PHLDB2: variants seen among roughly 807,000 people sequenced by gnomAD.
PHLDB2 encodes the protein pleckstrin homology like domain family B member 2.
PHLDB2 carries 71 observed loss-of-function variants against 123.6 expected under a neutral mutation model. The ratio of observed to expected loss-of-function variants is 0.57; its 90% confidence interval spans 0.47 to 0.70. The LOEUF is 0.70. Among genes scored for constraint, PHLDB2 ranks in the 30% least tolerant of loss-of-function variants. The probability of loss-of-function intolerance (pLI) is 0.00; values close to 1 mark genes in which losing one functional copy is unlikely to be tolerated. For synonymous variants in PHLDB2, 547 were observed against 541.6 expected (o/e 1.01, Z -0.14); for missense variants, 1,446 against 1,519.5 (o/e 0.95, Z 0.80).
intron 1 of PHLDB2, among the ~76,000 whole-genome samples, chr3:111,865,587 A>G (rs573124651): frequency 6.6e-6 from 1 of 152,198 alleles, no homozygotes; most frequent in East Asian, 1.9e-4. Context: ...CTGTTGAAAC[A>G]AAATGAAGAC....
rs181874881 is a variant in PHLDB2 at position 111,742,359 on chromosome 3, G to A, written c.-49+9656G>A. Reference sequence around the variant, plus strand: ...AAATTCTAGGGTACATGTGCACAACGTGCAGGTTTGTTACACATGTATACA... The same window carrying A: ...AAATTCTAGGGTACATGTGCACAACATGCAGGTTTGTTACACATGTATACA... On this transcript the variant is annotated intron_variant, in intron 1 of 17. Transcript: ENST00000393923. Among the ~76,000 whole-genome samples, 397 of 151,986 alleles carry A rather than the reference G, an allele frequency of 2.6e-3. 3 individuals carry two copies. Among genetic ancestry groups the A allele is most frequent in the African/African-American group, 9.2e-3 (382 of 41,444 alleles).
chr3:111,880,550 G>A (rs1450948030), intron 1 of PHLDB2, among the ~76,000 whole-genome samples: 2 of 152,166 alleles, frequency 1.3e-5, no homozygotes, highest in Admixed American at 6.5e-5. Context: ...AAGGCTCAGG[G>A]TTAGCGGCTT....
chr3:111,952,623 C>G lies in PHLDB2; in HGVS notation c.2683C>G (p.Leu895Val). The change falls in exon 11 of 18, where the codon CTG (leucine) becomes GTG (valine). Residue 895 changes from leucine to valine, a missense_variant. Transcript: ENST00000431670. ...RKKQHKEGLY[L>V]SDTLPRKKTT... ...AAAACAGCATAAAGAAGGCCTCTAT[C>G]TGAGTGATACTTTGCCTCGAAAGAA... 6.2e-7 allele frequency: 1 copy of G among 1,613,938 alleles called. No individual in the cohort carries two copies. Among genetic ancestry groups the G allele is most frequent in the Non-Finnish European group, 8.5e-7 (1 of 1,179,876 alleles).
At chr3:111,899,724 G>C (rs1587455) in intron 2 of PHLDB2, among the ~76,000 whole-genome samples, 74,796 of 152,026 alleles carry the variant, frequency 0.49, 19,025 homozygotes, top group East Asian at 0.66. Context: ...ATTGACTTCT[G>C]TCTAGCTTTG....
Position 111,952,700 on chromosome 3 carries a change from C to G in PHLDB2, c.2760C>G (p.Ser920Arg), listed in dbSNP as rs774481399. ...PHFSSATMGRSITPKAHLPLG... is the reference protein window; with the variant it reads ...PHFSSATMGRRITPKAHLPLG... The stretch of plus-strand genomic sequence containing the variant: ...TCAGCAGTGCTACTATGGGGAGAAG[C>G]ATCACCCCAAAGGTAGGACCTGGGA... The change falls in exon 11 of 18, where the codon AGC becomes AGG. Residue 920 changes from serine to arginine, a missense_variant. Around this residue, in one of 3 missense-constraint regions of PHLDB2, gnomAD observed 594 missense variants for 646.0 expected, o/e 0.92. Coordinates refer to ENST00000431670, the MANE Select transcript of PHLDB2 (RefSeq NM_001134438.2). 1 of 1,612,838 alleles carries G rather than the reference C, an allele frequency of 6.2e-7. No homozygotes were observed. Among genetic ancestry groups the G allele is most frequent in the East Asian group, 2.2e-5 (1 of 44,874 alleles).
chr3:111,944,422 T>C (rs1209882010), intron 8 of PHLDB2, among the ~76,000 whole-genome samples: 1 of 152,072 alleles, frequency 6.6e-6, no homozygotes, highest in Non-Finnish European at 1.5e-5. Flanking sequence ...AGGACACATA[T>C]ACAAATTATA....
At chr3:111,945,229 G>A (rs909477466) in intron 8 of PHLDB2, 39 bp from the exon 9 acceptor site, 31 of 1,387,974 alleles carry the variant, frequency 2.2e-5, no homozygotes, top group Non-Finnish European at 2.8e-5. Context: ...TTGCATCGAA[G>A]GTTGACTTTT....
At position 111,941,680 on chromosome 3, in the gene PHLDB2, C is replaced by T. The variant is rs115533507; in HGVS notation, c.2397+1035C>T. ...AAAATTAGCTGGGCATGGTAGCACA[C>T]ACCTTGATCCCAGCTACTCAGAAGG... On this transcript the variant is annotated intron_variant, in intron 8 of 17. Transcript: ENST00000431670. 7.2e-3 allele frequency among the ~76,000 whole-genome samples: 1,100 copies of T among 152,152 alleles called. 16 individuals are homozygous for T. The highest frequency in any genetic ancestry group is 0.025 in the African/African-American group (1,031 of 41,516).
chr3:111,871,991 G>A (rs188665167), intron 1 of PHLDB2, among the ~76,000 whole-genome samples: 145 of 152,312 alleles, frequency 9.5e-4, no homozygotes, highest in African/African-American at 3.4e-3. Context: ...ACTTCTTGGC[G>A]TTTTCTAATG....
At chr3:111,901,228 C>T (rs7643733) in intron 2 of PHLDB2, among the ~76,000 whole-genome samples, 6,837 of 151,674 alleles carry the variant, frequency 0.045, 501 homozygotes, top group African/African-American at 0.15. Flanking sequence ...GACGTGGTGG[C>T]ACATGCCTGT....
intron 1 of PHLDB2, among the ~76,000 whole-genome samples, chr3:111,802,847 C>T (rs997499127): frequency 6.6e-6 from 1 of 152,128 alleles, no homozygotes; most frequent in African/African-American, 2.4e-5. Flanking sequence ...GGTGTGAACA[C>T]ATGTTTTTTG....
At chr3:111,844,820 G>GA (rs1242461106) in intron 1 of PHLDB2, among the ~76,000 whole-genome samples, 5 of 152,008 alleles carry the variant, frequency 3.3e-5, no homozygotes, top group Admixed American at 6.5e-5. Flanking sequence ...ATTTGTTAAA[G>GA]AAAAAAATGA....
intron 16 of PHLDB2, among the ~76,000 whole-genome samples, chr3:111,971,360 A>G (rs2072167816): frequency 6.6e-6 from 1 of 152,174 alleles, no homozygotes; most frequent in Non-Finnish European, 1.5e-5. Context: ...GACCTGGCCA[A>G]CTGCTTCAAA....
intron 5 of PHLDB2, 25 bp downstream of exon 5, chr3:111,920,444 C>G: frequency 6.2e-7 from 1 of 1,606,416 alleles, no homozygotes; most frequent in Non-Finnish European, 8.5e-7. Flanking sequence ...TATTTCAATG[C>G]AGTTTTTATG....
chr3:111,963,756 G>A (rs9871071), intron 13 of PHLDB2, among the ~76,000 whole-genome samples: 2 of 152,078 alleles, frequency 1.3e-5, no homozygotes, highest in Non-Finnish European at 2.9e-5. Flanking sequence ...TATAATTTGG[G>A]AATATTTTAG....
At chr3:111,869,905 G>C (rs7632432) in intron 1 of PHLDB2, among the ~76,000 whole-genome samples, 14,882 of 152,254 alleles carry the variant, frequency 0.098, 1,985 homozygotes, top group African/African-American at 0.3. Context: ...CTACATGTTT[G>C]TAGTGGGTAA....
intron 2 of PHLDB2, among the ~76,000 whole-genome samples, chr3:111,886,354 C>G (rs2066161896): frequency 1.3e-5 from 2 of 152,188 alleles, no homozygotes; most frequent in Non-Finnish European, 2.9e-5. Flanking sequence ...CTTGTCCAAC[C>G]TGTGGCCTGT....
chr3:111,942,145 A>G (rs1029418758), intron 8 of PHLDB2, among the ~76,000 whole-genome samples: 6 of 152,208 alleles, frequency 3.9e-5, no homozygotes, highest in African/African-American at 1.4e-4. Flanking sequence ...CCAGTGATAG[A>G]TTTTATAAAA....
At chr3:111,873,169 C>G (rs897447835) in intron 1 of PHLDB2, among the ~76,000 whole-genome samples, 1 of 152,140 alleles carries the variant, frequency 6.6e-6, no homozygotes, top group Non-Finnish European at 1.5e-5. Flanking sequence ...TGTTGCTTCC[C>G]TAGAGTTTGT....
Sources: gnomAD v4.1 joint callset for allele counts (sites outside exome capture counted in the v4.1 genomes callset) on GRCh38, gnomAD v4.1.1 for gene constraint, gnomAD v4.1.1 regional missense constraint, MANE v1.5 for transcripts, NCBI Gene and HGNC (gene_info 2026-07-23, HGNC 2026-07-21) for gene names.